The following ARL15 variants were observed in gnomAD, a reference collection of about 807,000 sequenced individuals.
ARL15 encodes the protein ADP-ribosylation factor-like protein 15.
ARL15 carries 19 observed loss-of-function variants against 25.2 expected under a neutral mutation model. The observed-to-expected ratio is 0.75, with a 90% CI of 0.53 to 1.10. ARL15 has a LOEUF of 1.10. Among genes scored for constraint, ARL15 ranks in the 50% least tolerant of loss-of-function variants. The pLI is 0.00. For synonymous variants in ARL15, 94 were observed against 86.8 expected (o/e 1.08, Z -0.46); for missense variants, 220 against 246.0 (o/e 0.89, Z 0.71).
At chr5:54,284,269 A>C (rs1169547596) in intron 1 of ARL15, among the ~76,000 whole-genome samples, 1 of 152,108 alleles carries the variant, frequency 6.6e-6, no homozygotes, top group East Asian at 1.9e-4. Flanking sequence ...ATGCCCAGCA[A>C]ATATTTTAAT....
chr5:54,261,573 T>C (rs1397107456), intron 1 of ARL15, among the ~76,000 whole-genome samples: 4 of 151,930 alleles, frequency 2.6e-5, no homozygotes, highest in Admixed American at 1.3e-4. Flanking sequence ...AAGAGAGAAC[T>C]TCAGAAGTCT....
intron 4 of ARL15, among the ~76,000 whole-genome samples, chr5:54,092,029 T>C (rs570502543): frequency 2.4e-4 from 31 of 128,966 alleles, no homozygotes; most frequent in Non-Finnish European, 4.3e-4. Context: ...ATGTGGTTAA[T>C]AGACTGCTCA....
At chr5:53,902,011 C>T (rs1159078726) in intron 4 of ARL15, among the ~76,000 whole-genome samples, 2 of 152,216 alleles carry the variant, frequency 1.3e-5, no homozygotes. Context: ...TCAAATCCAA[C>T]ATTTGCCTCA....
chr5:54,076,534 A>C (rs1490838244), intron 4 of ARL15, among the ~76,000 whole-genome samples: 1 of 152,198 alleles, frequency 6.6e-6, no homozygotes, highest in Non-Finnish European at 1.5e-5. Context: ...ATCCTTTCTG[A>C]TAAACTATTT....
intron 1 of ARL15, among the ~76,000 whole-genome samples, chr5:54,292,480 C>A (rs765332387): frequency 2.6e-5 from 4 of 152,156 alleles, no homozygotes; most frequent in Non-Finnish European, 5.9e-5. Flanking sequence ...CACTCTCAAA[C>A]CAGAAGGCAG....
rs115056885 is a variant in ARL15 at position 54,250,926 on chromosome 5, G to A, written c.48+59506C>T. On this transcript the variant is annotated intron_variant, in intron 1 of 4. Coordinates refer to ENST00000504924, the MANE Select transcript of ARL15 (RefSeq NM_019087.3). ...TCTGAAAGAAGTTATAAAAAGCAAG[G>A]TCCACCTCCTAACAGTGACAGGCTA... Among the ~76,000 whole-genome samples the A allele has an allele frequency of 3.9e-3, 592 of 152,142 alleles. 3 individuals are homozygous for A. Among genetic ancestry groups the A allele is most frequent in the African/African-American group, 0.014 (566 of 41,510 alleles).
At chr5:54,105,634 A>G (rs1752567926) in intron 4 of ARL15, among the ~76,000 whole-genome samples, 1 of 152,048 alleles carries the variant, frequency 6.6e-6, no homozygotes, top group Non-Finnish European at 1.5e-5. Flanking sequence ...CCAGGCTACA[A>G]TGCAGTTGTG....
chr5:54,120,082 GT>G (rs1272870861), intron 3 of ARL15, among the ~76,000 whole-genome samples: 1 of 152,060 alleles, frequency 6.6e-6, no homozygotes, highest in Non-Finnish European at 1.5e-5. Flanking sequence ...AAACTCAATA[GT>G]TTTTAAAGAA....
intron 4 of ARL15, among the ~76,000 whole-genome samples, chr5:54,073,941 T>TA (rs1385024762): frequency 6.6e-6 from 1 of 152,224 alleles, no homozygotes; most frequent in African/African-American, 2.4e-5. Flanking sequence ...AATGCCAAGA[T>TA]ATGTCATGGA....
chr5:54,237,538 T>C (rs1419049170), intron 1 of ARL15, among the ~76,000 whole-genome samples: 1 of 151,724 alleles, frequency 6.6e-6, no homozygotes, highest in East Asian at 1.9e-4. Context: ...TCTAAGTACA[T>C]ACAGGGAATA....
At chr5:54,056,487 G>A (rs1394031544) in intron 4 of ARL15, among the ~76,000 whole-genome samples, 1 of 151,712 alleles carries the variant, frequency 6.6e-6, no homozygotes, top group Non-Finnish European at 1.5e-5. Context: ...AAAATCAGCT[G>A]GGCATGCTGG....
At chr5:54,228,561 TC>T (rs34503477) in intron 1 of ARL15, among the ~76,000 whole-genome samples, 1 of 128,234 alleles carries the variant, frequency 7.8e-6, no homozygotes, top group Non-Finnish European at 1.6e-5. Context: ...TATTCTCACC[TC>T]CCCCATTACT....
At chr5:54,301,117 G>A (rs1433576813) in intron 1 of ARL15, among the ~76,000 whole-genome samples, 2 of 152,154 alleles carry the variant, frequency 1.3e-5, no homozygotes, top group African/African-American at 4.8e-5. Context: ...TCTAGGTTAG[G>A]TTGCCTTTCA....
chr5:54,308,785 T>C (rs1758823190), intron 1 of ARL15, among the ~76,000 whole-genome samples: 1 of 152,244 alleles, frequency 6.6e-6, no homozygotes, highest in African/African-American at 2.4e-5. Context: ...AGCTTTGTGA[T>C]GCAATTTATA....
intron 3 of ARL15, among the ~76,000 whole-genome samples, chr5:54,149,418 T>G (rs1036663780): frequency 1.3e-5 from 2 of 152,148 alleles, no homozygotes; most frequent in African/African-American, 4.8e-5. Context: ...CAATACATGA[T>G]TTGCATTATT....
At chr5:53,954,987 C>T (rs546699904) in intron 4 of ARL15, among the ~76,000 whole-genome samples, 1 of 152,014 alleles carries the variant, frequency 6.6e-6, no homozygotes, top group East Asian at 1.9e-4. Flanking sequence ...AGTCTCTATA[C>T]TTCTTCCAGC....
At chr5:54,236,208 A>G (rs1756801514) in intron 1 of ARL15, among the ~76,000 whole-genome samples, 1 of 151,982 alleles carries the variant, frequency 6.6e-6, no homozygotes, top group South Asian at 2.1e-4. Context: ...TCGGATAACT[A>G]TGTTCCTTTT....
chr5:53,940,715 A>G (rs1481063986), intron 4 of ARL15, among the ~76,000 whole-genome samples: 1 of 152,224 alleles, frequency 6.6e-6, no homozygotes, highest in East Asian at 1.9e-4. Flanking sequence ...ACTTATGCCC[A>G]TAACTTCTAG....
intron 3 of ARL15, among the ~76,000 whole-genome samples, chr5:54,143,620 T>C (rs1753829256): frequency 6.6e-6 from 1 of 152,008 alleles, no homozygotes; most frequent in Non-Finnish European, 1.5e-5. Flanking sequence ...ACTTTTTTGA[T>C]TGTTTTATTT....
Sources: gnomAD v4.1 joint callset for allele counts (sites outside exome capture counted in the v4.1 genomes callset) on GRCh38, gnomAD v4.1.1 for gene constraint, MANE v1.5 for transcripts, NCBI Gene and HGNC (gene_info 2026-07-23, HGNC 2026-07-21) for gene names.